The following PCDHA3 variants were observed in gnomAD, a reference collection of about 807,000 sequenced individuals.
PCDHA3 encodes protocadherin alpha-3.
PCDHA3 carries 41 observed loss-of-function variants against 62.2 expected under a neutral mutation model. The ratio of observed to expected loss-of-function variants is 0.66; its 90% CI spans 0.51 to 0.86. The LOEUF is 0.86. Among genes scored for constraint, PCDHA3 ranks in the 40% least tolerant of loss-of-function variants. The pLI is 0.00. For synonymous variants in PCDHA3, 640 were observed against 555.4 expected, an observed-to-expected ratio of 1.15 and a Z score of -2.14; for missense variants, 1,304 against 1,241.2, an observed-to-expected ratio of 1.05 and a Z score of -0.76.
rs371718634 is a variant in PCDHA3, at chr5:140,884,469, C to G, written c.2394+80878C>G. ...CCGCCCACCGAGGGCGCGTGCGCGCCGGGCAAGCCCACTCTAGTGTGCTCC... is the reference window on the plus strand; with the variant it reads ...CCGCCCACCGAGGGCGCGTGCGCGCGGGGCAAGCCCACTCTAGTGTGCTCC... On this transcript the variant is annotated intron_variant, in intron 1 of 3. Coordinates refer to ENST00000522353, the MANE Select transcript of PCDHA3 (RefSeq NM_018906.3). 7.7e-5 allele frequency: 124 copies of G among 1,613,648 alleles called. 1 individual carries two copies. The highest frequency in any genetic ancestry group is 9.6e-5 in the Non-Finnish European group (113 of 1,179,828).
intron 1 of PCDHA3, among the ~76,000 whole-genome samples, chr5:140,926,001 C>A (rs782316154): frequency 3.3e-5 from 5 of 152,302 alleles, no homozygotes; most frequent in Middle Eastern, 3.4e-3. Flanking sequence ...TCCGCTGCCT[C>A]GAAAAGCCAG....
chr5:140,825,136 T>C (rs1314909721), intron 1 of PCDHA3: 1 of 151,816 alleles, frequency 6.6e-6, no homozygotes, highest in Non-Finnish European at 1.5e-5. Flanking sequence ...TTAAAAAACA[T>C]ATGAGTATTG....
chr5:140,875,793 G>A (rs2055816565), intron 1 of PCDHA3: 1 of 1,614,100 alleles, frequency 6.2e-7, no homozygotes, highest in Non-Finnish European at 8.5e-7. Flanking sequence ...TCCACCTGGA[G>A]GTGATCGTGG....
chr5:140,825,239 A>G (rs913025032), intron 1 of PCDHA3: 3 of 151,408 alleles, frequency 2.0e-5, no homozygotes, highest in Non-Finnish European at 4.4e-5. Context: ...ATCTGGATCT[A>G]TGGTGTTCCA....
intron 1 of PCDHA3, among the ~76,000 whole-genome samples, chr5:140,950,457 A>C (rs1392302571): frequency 6.6e-6 from 1 of 152,048 alleles, no homozygotes; most frequent in Non-Finnish European, 1.5e-5. Flanking sequence ...ACTGTCTTCT[A>C]ATGCTCATAG....
chr5:140,845,110 T>C (rs1779704552), intron 1 of PCDHA3, among the ~76,000 whole-genome samples: 1 of 149,836 alleles, frequency 6.7e-6, no homozygotes, highest in East Asian at 1.9e-4. Flanking sequence ...TTAATGCCTG[T>C]CCATGTTTAG....
chr5:140,808,902 G>C, intron 1 of PCDHA3: 1 of 1,613,452 alleles, frequency 6.2e-7, no homozygotes, highest in Non-Finnish European at 8.5e-7. Context: ...CGGGCGGGTG[G>C]CACTGGTGGC....
At chr5:140,985,945 T>C (rs1432402407) in intron 3 of PCDHA3, among the ~76,000 whole-genome samples, 1 of 152,080 alleles carries the variant, frequency 6.6e-6, no homozygotes, top group Non-Finnish European at 1.5e-5. Flanking sequence ...TTCACTGTGT[T>C]AGCCAGGATG....
chr5:140,874,630 G>A (rs1299205823), intron 1 of PCDHA3, among the ~76,000 whole-genome samples: 2 of 152,212 alleles, frequency 1.3e-5, no homozygotes, highest in Non-Finnish European at 2.9e-5. Context: ...TTACATTAAA[G>A]TGCTTTACTT....
chr5:140,883,865 T>C, intron 1 of PCDHA3: 2 of 1,613,076 alleles, frequency 1.2e-6, no homozygotes, highest in East Asian at 2.2e-5. Flanking sequence ...GCTGTTGCAG[T>C]TCCAGGTGAG....
chr5:140,927,171 C>G (rs1554204119), intron 1 of PCDHA3: 5 of 1,614,164 alleles, frequency 3.1e-6, no homozygotes. Context: ...AAGCTGCCTG[C>G]GTCTTGACCT....
At chr5:140,980,094 TA>T (rs1554241421) in intron 2 of PCDHA3, among the ~76,000 whole-genome samples, 1 of 152,218 alleles carries the variant, frequency 6.6e-6, no homozygotes, top group African/African-American at 2.4e-5. Context: ...GTTGGCTTGG[TA>T]AGATGTCACA....
intron 1 of PCDHA3, among the ~76,000 whole-genome samples, chr5:140,921,271 A>C (rs1190111273): frequency 1.3e-5 from 2 of 152,142 alleles, no homozygotes; most frequent in East Asian, 1.9e-4. Flanking sequence ...TTTTATACTT[A>C]CTTGAAAAAA....
intron 1 of PCDHA3, chr5:140,857,011 T>C (rs2044320012): frequency 1.3e-6 from 2 of 1,596,036 alleles, no homozygotes; most frequent in Admixed American, 1.7e-5. Flanking sequence ...ATGTAGATGT[T>C]ACAGATAAGG....
chr5:140,961,234 G>A (rs2095598781), intron 1 of PCDHA3, among the ~76,000 whole-genome samples: 1 of 152,180 alleles, frequency 6.6e-6, no homozygotes, highest in South Asian at 2.1e-4. Context: ...CCAAAAAGGT[G>A]ATGGAATTTA....
At position 140,862,994 on chromosome 5, in the gene PCDHA3, G is replaced by A. The variant is rs199654880; in HGVS notation, c.2394+59403G>A. 324 of 549,002 alleles carry A rather than the reference G, an allele frequency of 5.9e-4. 3 individuals are homozygous for A. The highest frequency in any genetic ancestry group is 1.3e-3 in the South Asian group (92 of 72,564). 34.0% of individuals were successfully genotyped at this position (549,002 alleles called of 1,614,324 possible). On this transcript the variant is annotated intron_variant, in intron 1 of 3. Coordinates refer to ENST00000522353, the MANE Select transcript of PCDHA3 (RefSeq NM_018906.3). ...CCACTTGGTGGCGAAGGTGCGCACGGTGGACTCCAGCTATGACGCCTGGTT... is the reference window on the plus strand; with the variant it reads ...CCACTTGGTGGCGAAGGTGCGCACGATGGACTCCAGCTATGACGCCTGGTT...
intron 1 of PCDHA3, chr5:140,928,901 T>A (rs781842258): frequency 6.2e-7 from 1 of 1,614,212 alleles, no homozygotes. Flanking sequence ...TTTGAAGATG[T>A]CTGGGAACCA....
At chr5:140,911,365 TG>T (rs1554194694) in intron 1 of PCDHA3, among the ~76,000 whole-genome samples, 1 of 152,218 alleles carries the variant, frequency 6.6e-6, no homozygotes, top group East Asian at 1.9e-4. Flanking sequence ...AGTAGACACC[TG>T]GCAAGGCTGT....
intron 1 of PCDHA3, chr5:140,851,627 C>A: frequency 1.1e-6 from 1 of 918,296 alleles, no homozygotes. Context: ...GCTTTTTAAA[C>A]AAGTGTTTCC....
Sources: gnomAD v4.1 joint callset for allele counts (sites outside exome capture counted in the v4.1 genomes callset) on GRCh38, gnomAD v4.1.1 for gene constraint, MANE v1.5 for transcripts, NCBI Gene and HGNC (gene_info 2026-07-23, HGNC 2026-07-21) for gene names.